Variants in ATP6V0A2 observed in about 807,000 individuals in gnomAD.
ATP6V0A2 encodes ATPase H+ transporting V0 subunit a2, also known as V-type proton ATPase 116 kDa subunit a 2.
ATP6V0A2 carries 58 observed loss-of-function variants against 104.4 expected under a neutral mutation model. The observed-to-expected ratio is 0.56, with a 90% CI of 0.45 to 0.69. ATP6V0A2 has a LOEUF of 0.69. Among genes scored for constraint, ATP6V0A2 ranks in the 30% least tolerant of loss-of-function variants. The probability of loss-of-function intolerance (pLI) is 0.00; values close to 1 mark genes in which losing one functional copy is unlikely to be tolerated. For missense variants in ATP6V0A2, 938 were observed against 1,062.9 expected, an observed-to-expected ratio of 0.88 and a Z score of 1.63; for synonymous variants, 376 against 397.9, an observed-to-expected ratio of 0.95 and a Z score of 0.65.
intron 6 of ATP6V0A2, chr12:123,732,346 G>GCCTGGTCTCTTCT (rs1956509302): frequency 6.5e-6 from 1 of 153,432 alleles, no homozygotes; most frequent in African/African-American, 2.4e-5. Context: ...CTCTGCCTTA[G>GCCTGGTCTCTTCT]CCTGGTCTCT....
chr12:123,717,773 T>C (rs2135878412), intron 1 of ATP6V0A2, among the ~76,000 whole-genome samples: 1 of 152,240 alleles, frequency 6.6e-6, no homozygotes, highest in East Asian at 1.9e-4. Context: ...TACTGTAATT[T>C]CTTGAACTAG....
chr12:123,728,147 T>A (rs969462361), intron 6 of ATP6V0A2, among the ~76,000 whole-genome samples: 1 of 152,254 alleles, frequency 6.6e-6, no homozygotes, highest in Admixed American at 6.5e-5. Context: ...TCCTGAGCCT[T>A]GAATCTCATT....
At chr12:123,732,632 A>AGTT (rs576609144) in intron 6 of ATP6V0A2, 1 of 143,780 alleles carries the variant, frequency 7.0e-6, no homozygotes. Context: ...CACCTCCTGC[A>AGTT]TTTTTTTTTT....
chr12:123,754,409 ATCTC>A lies in ATP6V0A2; in HGVS notation c.2176-6_2176-3del, dbSNP rs1593920665. 6.4e-7 allele frequency: 1 copy of A among 1,572,046 alleles called. No individual in the cohort carries two copies. Among genetic ancestry groups the A allele is most frequent in the Non-Finnish European group, 8.8e-7 (1 of 1,141,514 alleles). ...CATGACTCTTAACATATGTTGTGTG[ATCTC>A]TCTCAGTTTAATTTTGGAGAAATAT... On this transcript the variant is annotated splice_polypyrimidine_tract_variant and splice_region_variant and intron_variant, in intron 17 of 19. Transcript: ENST00000330342.
intron 18 of ATP6V0A2, 107 bp downstream of exon 18, chr12:123,754,644 T>C (rs1593921005): frequency 2.2e-5 from 18 of 804,476 alleles, no homozygotes; most frequent in Non-Finnish European, 3.7e-5. Flanking sequence ...TAGCACCATC[T>C]TTCAGCTGCC....
intron 9 of ATP6V0A2, among the ~76,000 whole-genome samples, chr12:123,742,340 G>GT (rs941376943): frequency 1.3e-5 from 2 of 152,218 alleles, no homozygotes. Context: ...AGGCTGCTGG[G>GT]TAGGTCTTGT....
chr12:123,747,366 G>T (rs1448097244), intron 13 of ATP6V0A2, among the ~76,000 whole-genome samples: 1 of 152,112 alleles, frequency 6.6e-6, no homozygotes, highest in African/African-American at 2.4e-5. Context: ...CTCCCTAAAC[G>T]CTATGTGGTT....
chr12:123,726,230 G>C lies in ATP6V0A2; in HGVS notation c.466G>C (p.Glu156Gln). ...CACTTATGAAGAATTCCCTTCCTTAGAGAGTGATTCTTTGTTGGATTACAG... is the reference window on the plus strand; with the variant it reads ...CACTTATGAAGAATTCCCTTCCTTACAGAGTGATTCTTTGTTGGATTACAG... The part of the protein sequence containing the change: ...EPTYEEFPSL[E>Q]SDSLLDYSCM... Residue 156 changes from glutamate to glutamine, a missense_variant, in exon 5 of 20, where the codon GAG becomes CAG. By Grantham distance (29) the Glu-to-Gln change is conservative (BLOSUM62 2). Transcript: ENST00000330342. 3 of 1,613,730 alleles carry C rather than the reference G, an allele frequency of 1.9e-6. No homozygotes were observed. The highest frequency in any genetic ancestry group is 2.5e-6 in the Non-Finnish European group (3 of 1,179,684).
In ATP6V0A2 at chr12:123,722,447, A is replaced by G. The variant is rs2135884759; in HGVS notation, c.293A>G (p.Gln98Arg). ...CCCCTGAAACAGGTTCTAGAAATGC[A>G]GGTAACTTGCTTCTGACGAAGCTGG... ...APPLKQVLEM[Q>R]EQLQKLEVEL... The change falls in exon 3 of 20, where the codon CAG becomes CGG. Residue 98 changes from glutamine to arginine, a missense_variant and splice_region_variant. Gln to Arg is a conservative substitution (Grantham distance 43). Coordinates refer to ENST00000330342, the MANE Select transcript of ATP6V0A2 (RefSeq NM_012463.4). The G allele has an allele frequency of 6.3e-7, 1 of 1,598,922 alleles. No individual in the cohort carries two copies. The highest frequency in any genetic ancestry group is 2.2e-5 in the East Asian group (1 of 44,814).
At chr12:123,718,045 C>G (rs1367495096) in intron 1 of ATP6V0A2, among the ~76,000 whole-genome samples, 3 of 151,874 alleles carry the variant, frequency 2.0e-5, no homozygotes, top group Non-Finnish European at 4.4e-5. Flanking sequence ...GTGCCTCAGC[C>G]TTCCAAGTAG....
chr12:123,755,007 A>G (rs571189542), intron 18 of ATP6V0A2, among the ~76,000 whole-genome samples: 78 of 152,306 alleles, frequency 5.1e-4, no homozygotes, highest in African/African-American at 1.9e-3. Context: ...AATTCCAGTA[A>G]TGCACACATG....
intron 3 of ATP6V0A2, chr12:123,724,348 ACCT>A (rs1956427739): frequency 3.4e-6 from 1 of 291,988 alleles, no homozygotes; most frequent in East Asian, 9.6e-5. Context: ...ACATGGTGAA[ACCT>A]CGTCTCTACT....
chr12:123,721,375 G>C (rs558962007), intron 2 of ATP6V0A2: 37 of 158,926 alleles, frequency 2.3e-4, no homozygotes, highest in Non-Finnish European at 2.0e-4. Context: ...TTTGTCTAAG[G>C]GGATGGTCAC....
At chr12:123,713,209 G>A (rs1180948462) in intron 1 of ATP6V0A2, among the ~76,000 whole-genome samples, 3 of 151,964 alleles carry the variant, frequency 2.0e-5, no homozygotes, top group Admixed American at 2.0e-4. Context: ...TGGGGAGAGG[G>A]TCCTTGTTGG....
chr12:123,755,253 C>G (rs754084972), intron 18 of ATP6V0A2, among the ~76,000 whole-genome samples: 27 of 152,004 alleles, frequency 1.8e-4, no homozygotes, highest in Non-Finnish European at 4.0e-4. Context: ...AAGAATAGGA[C>G]AGGCCAGGCA....
chr12:123,740,023 G>A (rs1008451977), intron 9 of ATP6V0A2, among the ~76,000 whole-genome samples: 5 of 152,052 alleles, frequency 3.3e-5, no homozygotes, highest in Non-Finnish European at 7.4e-5. Context: ...AAGTCAGCCG[G>A]ATGTGGTGAT....
chr12:123,757,844 T>A, intron 19 of ATP6V0A2, 83 bp from the exon 20 acceptor site: 1 of 525,070 alleles, frequency 1.9e-6, no homozygotes, highest in South Asian at 2.7e-5. Context: ...AGCACAGGAA[T>A]TTTTTTTTTT....
chr12:123,744,359 C>T lies in ATP6V0A2; in HGVS notation c.1326+22C>T, dbSNP rs374109302. 6.2e-7 allele frequency: 1 copy of T among 1,613,952 alleles called. No homozygotes were observed. Among genetic ancestry groups the T allele is most frequent in the Non-Finnish European group, 8.5e-7 (1 of 1,179,936 alleles). On this transcript the variant is annotated intron_variant, in intron 11 of 19. Coordinates refer to ENST00000330342, the MANE Select transcript of ATP6V0A2 (RefSeq NM_012463.4). This position sits in a 1 kb window ranked among gnomAD's most constrained non-coding sequence, Gnocchi z 5.4. ...AGAGGTAAAAATATAAACACTCCAG[C>T]TCATATATCTGGTTAGGTGGCATTA...
intron 9 of ATP6V0A2, among the ~76,000 whole-genome samples, chr12:123,739,809 A>G (rs573960738): frequency 6.6e-6 from 1 of 152,284 alleles, no homozygotes; most frequent in South Asian, 2.1e-4. Context: ...TATCTTACAC[A>G]TGTTCCTCCA....
Sources: gnomAD v4.1 joint callset for allele counts (sites outside exome capture counted in the v4.1 genomes callset) on GRCh38, gnomAD v4.1.1 for gene constraint, Gnocchi (gnomAD v3.1) non-coding constraint, MANE v1.5 for transcripts, NCBI Gene and HGNC (gene_info 2026-07-23, HGNC 2026-07-21) for gene names.